The following SLC37A1 variants were observed in gnomAD, a reference collection of about 807,000 sequenced individuals.
The protein encoded by SLC37A1 is glucose-6-phosphate exchanger SLC37A1.
Under a neutral mutation model 75.3 loss-of-function variants are expected in SLC37A1, and 49 were observed. That is an observed-to-expected ratio of 0.65 (90% confidence interval 0.52 to 0.83). The LOEUF (loss-of-function observed/expected upper bound fraction) is 0.83, where lower values mean the gene tolerates loss of function less well. Among genes scored for constraint, SLC37A1 ranks in the 40% least tolerant of loss-of-function variants. The pLI is 0.00. For missense variants in SLC37A1, 566 were observed against 695.0 expected (o/e 0.81, Z 2.09); for synonymous variants, 268 against 292.1 (o/e 0.92, Z 0.84).
intron 6 of SLC37A1, among the ~76,000 whole-genome samples, chr21:42,541,321 G>C (rs1269182820): frequency 1.3e-5 from 2 of 152,134 alleles, no homozygotes; most frequent in African/African-American, 4.8e-5. Context: ...GCCTGGGGTT[G>C]GGGACCCTGC....
chr21:42,537,512 G>A (rs569865314), intron 5 of SLC37A1, among the ~76,000 whole-genome samples: 1 of 152,218 alleles, frequency 6.6e-6, no homozygotes, highest in Non-Finnish European at 1.5e-5. Flanking sequence ...GTCTCCTAGG[G>A]GACATTTAGT....
At chr21:42,534,430 T>C (rs2055079306) in intron 3 of SLC37A1, among the ~76,000 whole-genome samples, 1 of 152,136 alleles carries the variant, frequency 6.6e-6, no homozygotes, top group Non-Finnish European at 1.5e-5. Context: ...AGGCTCGTCT[T>C]CTGGTGGCAT....
At chr21:42,522,658 A>G (rs1384073003) in intron 2 of SLC37A1, among the ~76,000 whole-genome samples, 1 of 152,244 alleles carries the variant, frequency 6.6e-6, no homozygotes, top group Non-Finnish European at 1.5e-5. Context: ...ACACCAGCTA[A>G]ATAAATACAG....
rs769440429 is a variant in SLC37A1 at position 42,530,648 on chromosome 21, ACACACACC to A, written c.139-4048_139-4041del. Among the ~76,000 whole-genome samples the A allele has an allele frequency of 3.0e-3, 83 of 27,666 alleles. 2 individuals carry two copies. The highest frequency in any genetic ancestry group is 0.011 in the Middle Eastern group (1 of 90). The allele number at this position is 27,666 out of a possible 152,430, so 18.1% of individuals were successfully genotyped here. Reference sequence around the variant, plus strand: ...CACACACACACACACACACACACACACACACACCCCCTCTGTGTTGGCTGAAGGTGGAG... The same window carrying A: ...CACACACACACACACACACACACACACCCTCTGTGTTGGCTGAAGGTGGAG... On this transcript the variant is annotated intron_variant, in intron 3 of 19. Coordinates refer to ENST00000352133, the MANE Select transcript of SLC37A1 (RefSeq NM_001320537.2).
In SLC37A1 at chr21:42,518,517, C is replaced by G; in HGVS notation, c.56+7C>G. On this transcript the variant is annotated splice_region_variant and intron_variant, in intron 2 of 19. Transcript: ENST00000352133. ...CATTCTCCAGGGATCAGTGGTGAGT[C>G]CTGGTGGGGCAGGCCCTTGGCATGG... 3.1e-6 allele frequency: 5 copies of G among 1,614,092 alleles called. No individual in the cohort carries two copies. The highest frequency in any genetic ancestry group is 4.2e-6 in the Non-Finnish European group (5 of 1,179,990).
At chr21:42,525,646 A>G (rs571960222) in intron 2 of SLC37A1, 130 bp from the exon 3 acceptor site, 2 of 649,488 alleles carry the variant, frequency 3.1e-6, no homozygotes, top group Non-Finnish European at 5.4e-6. Flanking sequence ...TGACATAAGT[A>G]ATATTGATAA....
At chr21:42,523,455 C>T (rs968718161) in intron 2 of SLC37A1, among the ~76,000 whole-genome samples, 15 of 152,252 alleles carry the variant, frequency 9.9e-5, no homozygotes, top group Admixed American at 9.8e-4. Context: ...TGGAATCTTC[C>T]TGCACCAGCA....
chr21:42,511,042 C>T (rs1396464262), upstream of SLC37A1, among the ~76,000 whole-genome samples: 3 of 152,204 alleles, frequency 2.0e-5, no homozygotes, highest in Non-Finnish European at 4.4e-5. Flanking sequence ...GCTGAATGCA[C>T]ATTTAAATGT....
chr21:42,562,030 CT>C (rs1437012581), intron 11 of SLC37A1, 47 bp from the exon 12 acceptor site: 1 of 1,468,822 alleles, frequency 6.8e-7, no homozygotes, highest in Admixed American at 1.7e-5. Flanking sequence ...TTACACACAC[CT>C]GCTGACTCCA....
intron 3 of SLC37A1, 58 bp downstream of exon 3, chr21:42,525,915 G>T (rs1209510828): frequency 5.3e-6 from 7 of 1,319,408 alleles, no homozygotes; most frequent in African/African-American, 1.5e-5. Flanking sequence ...CACTTGAAAA[G>T]CTTGTGGGGC....
chr21:42,565,052 G>A (rs1053785866), intron 14 of SLC37A1, among the ~76,000 whole-genome samples: 5 of 152,238 alleles, frequency 3.3e-5, no homozygotes, highest in Admixed American at 3.3e-4. Flanking sequence ...GTGCCCCCTT[G>A]CCCCAGACAA....
At chr21:42,542,563 A>T (rs1002686031) in intron 7 of SLC37A1, 83 bp downstream of exon 7, 2 of 1,335,054 alleles carry the variant, frequency 1.5e-6, no homozygotes, top group African/African-American at 2.9e-5. Flanking sequence ...TGATTACAGC[A>T]AAAACACTTT....
At chr21:42,576,814 C>T (rs1368088033) in intron 18 of SLC37A1, among the ~76,000 whole-genome samples, 1 of 151,978 alleles carries the variant, frequency 6.6e-6, no homozygotes, top group Non-Finnish European at 1.5e-5. Context: ...GAGAAGATTA[C>T]TGAAGTGAAA....
chr21:42,554,982 G>GGTTTTTTTTTTT (rs368777229), intron 10 of SLC37A1, among the ~76,000 whole-genome samples: 1 of 116,598 alleles, frequency 8.6e-6, no homozygotes, highest in Non-Finnish European at 1.8e-5. Context: ...TTGGTTGGTT[G>GGTTTTTTTTTTT]TTTTTTTTTT....
intron 2 of SLC37A1, among the ~76,000 whole-genome samples, chr21:42,506,485 T>A (rs998815338): frequency 2.6e-5 from 4 of 152,206 alleles, no homozygotes; most frequent in Non-Finnish European, 5.9e-5. Context: ...TAATTCACAG[T>A]TCCTAAAGCA....
intron 12 of SLC37A1, 37 bp downstream of exon 12, chr21:42,562,205 A>G (rs759619963): frequency 6.4e-7 from 1 of 1,573,926 alleles, no homozygotes; most frequent in Non-Finnish European, 8.7e-7. Flanking sequence ...AATTCCGCAC[A>G]GTGACTGGGG....
chr21:42,575,603 A>C (rs781384311), intron 18 of SLC37A1: 30 of 985,298 alleles, frequency 3.0e-5, no homozygotes, highest in Non-Finnish European at 3.4e-5. Flanking sequence ...GGGTGCATAC[A>C]CATCTTTACA....
Position 42,539,639 on chromosome 21 carries a change from G to A in SLC37A1, c.478G>A (p.Val160Ile). 1 of 1,613,220 alleles carries A rather than the reference G, an allele frequency of 6.2e-7. No homozygotes were observed. The highest frequency in any genetic ancestry group is 8.5e-7 in the Non-Finnish European group (1 of 1,179,620). ...YNIHSFGFYV[V>I]TQVINGLVQT... ...CATCCACAGTTTCGGATTCTACGTG[G>A]TAACTCAGGTAAGGGTTTGGATCCG... The change falls in exon 6 of 20, where the codon GTA becomes ATA. Residue 160 changes from valine (V) to isoleucine (I), a missense_variant. Coordinates refer to ENST00000352133, the MANE Select transcript of SLC37A1 (RefSeq NM_001320537.2).
intron 8 of SLC37A1, among the ~76,000 whole-genome samples, chr21:42,546,227 C>T (rs1471173769): frequency 1.3e-5 from 2 of 152,236 alleles, no homozygotes; most frequent in Non-Finnish European, 2.9e-5. Context: ...ACTCTGGGTT[C>T]CCGCATTGCT....
Sources: allele counts gnomAD v4.1 joint callset (sites outside exome capture counted in the v4.1 genomes callset), GRCh38; gene constraint gnomAD v4.1.1; transcripts MANE v1.5; gene names NCBI Gene and HGNC (gene_info 2026-07-23, HGNC 2026-07-21).